DCLK2: variants seen among roughly 807,000 people sequenced by gnomAD.
DCLK2 encodes doublecortin like kinase 2.
Under a neutral mutation model 78.4 loss-of-function variants are expected in DCLK2, and 31 were observed. That is an observed-to-expected ratio of 0.40 (90% CI 0.30 to 0.53). The LOEUF is 0.53. Among genes scored for constraint, DCLK2 ranks in the 20% least tolerant of loss-of-function variants. The pLI, the probability that DCLK2 is intolerant of heterozygous loss-of-function variation, is 0.61. For synonymous variants in DCLK2, 407 were observed against 374.9 expected (o/e 1.09, Z -0.99); for missense variants, 872 against 973.7 (o/e 0.90, Z 1.39).
In DCLK2 at chr4:150,109,462, G is replaced by A. The variant is rs567785286; in HGVS notation, c.756+6650G>A. ...CGATTCTCCTGCCTCAGCCTTCCGA[G>A]TAGCTGAGATTACAGGCACGTGCAA... On this transcript the variant is annotated intron_variant, in intron 2 of 15. Transcript: ENST00000296550. Among the ~76,000 whole-genome samples, 46 of 152,068 alleles carry A rather than the reference G, an allele frequency of 3.0e-4. 1 individual carries two copies. The South Asian group carries it at 7.9e-3, about 26-fold the overall frequency.
Position 150,175,011 on chromosome 4 carries a change from A to AAAAAAAAAAAAAAAT in DCLK2, c.757-18126_757-18125insAAAAAAAAAAAAATA, listed in dbSNP as rs1454035697. ...AGACTCCGTCGCAAAAAAAAAAAAA[A>AAAAAAAAAAAAAAAT]ATATATATATATATATATATATTTA... On this transcript the variant is annotated intron_variant, in intron 2 of 15. Coordinates refer to ENST00000296550, the MANE Select transcript of DCLK2 (RefSeq NM_001040260.4). 6.0e-4 allele frequency among the ~76,000 whole-genome samples: 6 copies of AAAAAAAAAAAAAAAT among 9,976 alleles called. 2 individuals carry two copies. The highest frequency in any genetic ancestry group is 1.4e-3 in the Non-Finnish European group (6 of 4,166). 6.5% of individuals were successfully genotyped at this position (9,976 alleles called of 152,430 possible). A position where few individuals can be genotyped will look rare whatever the true frequency, so the allele number is the denominator to read the frequency against.
chr4:150,195,135 C>T (rs1738765443), intron 3 of DCLK2, among the ~76,000 whole-genome samples: 1 of 103,588 alleles, frequency 9.7e-6, no homozygotes, highest in Non-Finnish European at 1.8e-5. Flanking sequence ...ATAAAATAGG[C>T]ATTTATATAT....
chr4:150,195,922 T>C (rs894239047), intron 3 of DCLK2, among the ~76,000 whole-genome samples: 2 of 152,132 alleles, frequency 1.3e-5, no homozygotes, highest in African/African-American at 4.8e-5. Flanking sequence ...TGTCACATAG[T>C]AATATGCGTC....
intron 1 of DCLK2, among the ~76,000 whole-genome samples, chr4:150,099,461 A>G (rs1406819657): frequency 6.6e-6 from 1 of 152,236 alleles, no homozygotes; most frequent in Admixed American, 6.5e-5. Context: ...TATATAAGAG[A>G]CAAAATTACA....
chr4:150,181,244 G>A (rs571203000), intron 2 of DCLK2, among the ~76,000 whole-genome samples: 37 of 152,166 alleles, frequency 2.4e-4, no homozygotes, highest in African/African-American at 5.8e-4. Flanking sequence ...TGATCCTTAC[G>A]ATGGGGAAGA....
chr4:150,082,849 T>C (rs554772049), intron 1 of DCLK2, among the ~76,000 whole-genome samples: 12 of 152,324 alleles, frequency 7.9e-5, no homozygotes, highest in Admixed American at 3.3e-4. Flanking sequence ...TTCTGAGCGT[T>C]TGGTCTTCTC....
chr4:150,164,182 A>T (rs1735902797), intron 2 of DCLK2, among the ~76,000 whole-genome samples: 1 of 152,240 alleles, frequency 6.6e-6, no homozygotes, highest in South Asian at 2.1e-4. Context: ...TCTTTAAGAC[A>T]GTTGATTTTA....
chr4:150,232,251 C>G, intron 8 of DCLK2, 86 bp from the exon 9 acceptor site: 2 of 1,500,010 alleles, frequency 1.3e-6, no homozygotes, highest in Non-Finnish European at 1.8e-6. Flanking sequence ...GATCCACAGG[C>G]TGTGTTTGTT....
At chr4:150,142,558 T>G (rs1250360193) in intron 2 of DCLK2, among the ~76,000 whole-genome samples, 2 of 152,236 alleles carry the variant, frequency 1.3e-5, no homozygotes, top group Non-Finnish European at 2.9e-5. Context: ...GTCAGTTTCC[T>G]GTGATATTTG....
At chr4:150,187,207 C>T (rs1365992062) in intron 2 of DCLK2, among the ~76,000 whole-genome samples, 1 of 152,048 alleles carries the variant, frequency 6.6e-6, no homozygotes, top group Non-Finnish European at 1.5e-5. Flanking sequence ...TGCTGTGTCA[C>T]CCAGAGTATA....
chr4:150,141,164 C>T (rs1294716467), intron 2 of DCLK2, among the ~76,000 whole-genome samples: 1 of 152,128 alleles, frequency 6.6e-6, no homozygotes, highest in Non-Finnish European at 1.5e-5. Flanking sequence ...TAACACTAGG[C>T]AATATGTCAG....
intron 2 of DCLK2, among the ~76,000 whole-genome samples, chr4:150,177,241 T>C (rs1323978291): frequency 6.6e-6 from 1 of 152,218 alleles, no homozygotes; most frequent in Non-Finnish European, 1.5e-5. Flanking sequence ...TTTTGTTTTC[T>C]CTAGAAGCTT....
chr4:150,113,438 G>A (rs1490925481), intron 2 of DCLK2, among the ~76,000 whole-genome samples: 1 of 130,628 alleles, frequency 7.7e-6, no homozygotes, highest in Non-Finnish European at 1.7e-5. Context: ...CTAGTTACTG[G>A]TTTGTTCAGG....
intron 1 of DCLK2, among the ~76,000 whole-genome samples, chr4:150,084,512 G>T (rs928414044): frequency 1.3e-5 from 2 of 152,134 alleles, no homozygotes; most frequent in African/African-American, 4.8e-5. Context: ...AATAAGATGT[G>T]CTATAATACA....
Position 150,249,666 on chromosome 4 carries a change from C to CG in DCLK2, c.2059dup (p.Val687GlyfsTer11). The CG allele has an allele frequency of 6.2e-7, 1 of 1,613,500 alleles. No individual in the cohort carries two copies. Among genetic ancestry groups the CG allele is most frequent in the Non-Finnish European group, 8.5e-7 (1 of 1,179,874 alleles). On this transcript the variant is annotated frameshift_variant, in exon 15 of 16. Transcript: ENST00000296550. LOFTEE classifies it low-confidence loss of function (END_TRUNC). ...TCCCCAAACAGAACAGCACTACCAC[C>CG]GGGGTCTCCGTCATCATGGTGAGTG... is the stretch of plus-strand genomic sequence containing the variant.
In DCLK2 at chr4:150,249,668, G is replaced by C; in HGVS notation, c.2057G>C (p.Gly686Ala). Residue 686 changes from glycine (G) to alanine (A), a missense_variant, in exon 15 of 16, where the codon GGG becomes GCG. Transcript: ENST00000296550. Reference sequence around the variant, plus strand: ...CCCAAACAGAACAGCACTACCACCGGGGTCTCCGTCATCATGGTGAGTGGA... The same window carrying C: ...CCCAAACAGAACAGCACTACCACCGCGGTCTCCGTCATCATGGTGAGTGGA... ...ALPKQNSTTT[G>A]VSVIMNTALD... is the part of the protein sequence containing the mutation. 6.2e-7 allele frequency: 1 copy of C among 1,613,462 alleles called. No individual in the cohort carries two copies. Among genetic ancestry groups the C allele is most frequent in the Non-Finnish European group, 8.5e-7 (1 of 1,179,878 alleles).
chr4:150,235,759 C>A (rs552166951), intron 10 of DCLK2, among the ~76,000 whole-genome samples: 1 of 152,268 alleles, frequency 6.6e-6, no homozygotes, highest in Admixed American at 6.5e-5. Context: ...AAAGTAAATA[C>A]CCAGAGTGAC....
At chr4:150,133,346 G>C (rs755879841) in intron 2 of DCLK2, among the ~76,000 whole-genome samples, 1 of 152,164 alleles carries the variant, frequency 6.6e-6, no homozygotes, top group East Asian at 1.9e-4. Flanking sequence ...GAATGACCAC[G>C]AAAGTACCAC....
intron 5 of DCLK2, among the ~76,000 whole-genome samples, chr4:150,219,361 C>T (rs112122991): frequency 0.019 from 2,842 of 150,992 alleles, 94 homozygotes; most frequent in African/African-American, 0.065. Flanking sequence ...CTCCACCTCC[C>T]AGTTCAAGCG....
Sources: gnomAD v4.1 joint callset for allele counts (sites outside exome capture counted in the v4.1 genomes callset) on GRCh38, gnomAD v4.1.1 for gene constraint, MANE v1.5 for transcripts, NCBI Gene and HGNC (gene_info 2026-07-23, HGNC 2026-07-21) for gene names.